Variants in ALMS1 observed in about 807,000 individuals in gnomAD.
ALMS1 encodes the protein ALMS1 centrosome and basal body associated protein.
Under a neutral mutation model 352.2 loss-of-function variants are expected in ALMS1, and 271 were observed. The ratio of observed to expected loss-of-function variants is 0.77; its 90% CI spans 0.70 to 0.85. The LOEUF is 0.85. ALMS1 is among the 40% of genes least tolerant of loss of function. The pLI is 0.00. For synonymous variants in ALMS1, 1,865 were observed against 1,761.2 expected (o/e 1.06, Z -1.48); for missense variants, 5,445 against 4,870.7 (o/e 1.12, Z -3.51).
At chr2:73,603,352 C>T in intron 21 of ALMS1, 48 bp downstream of exon 21, 1 of 1,578,952 alleles carries the variant, frequency 6.3e-7, no homozygotes, top group Non-Finnish European at 8.7e-7. Flanking sequence ...AACCAGGCCA[C>T]CAAGTGGTCG....
intron 21 of ALMS1, among the ~76,000 whole-genome samples, chr2:73,608,054 A>G (rs1412919016): frequency 6.6e-6 from 1 of 152,114 alleles, no homozygotes; most frequent in Non-Finnish European, 1.5e-5. Context: ...CTTCTCCTCT[A>G]GAACATTTTA....
intron 10 of ALMS1, among the ~76,000 whole-genome samples, chr2:73,499,851 A>G (rs1442968988): frequency 6.6e-6 from 1 of 152,108 alleles, no homozygotes; most frequent in Non-Finnish European, 1.5e-5. Context: ...GTTGTTTAAA[A>G]AAGAATGACT....
chr2:73,440,568 C>T (rs543795930), intron 7 of ALMS1, among the ~76,000 whole-genome samples: 9 of 151,642 alleles, frequency 5.9e-5, no homozygotes, highest in Admixed American at 1.3e-4. Context: ...GAATCATGGG[C>T]GTGTGCTACC....
At chr2:73,522,804 T>G (rs902732757) in intron 11 of ALMS1, among the ~76,000 whole-genome samples, 1 of 152,156 alleles carries the variant, frequency 6.6e-6, no homozygotes, top group Middle Eastern at 3.2e-3. Context: ...TGGACTTTCT[T>G]TAGAGGTCAC....
chr2:73,583,577 A>C (rs1241595865), intron 16 of ALMS1, among the ~76,000 whole-genome samples: 1 of 152,116 alleles, frequency 6.6e-6, no homozygotes, highest in East Asian at 1.9e-4. Context: ...TGCCACATTG[A>C]ATGTCATGAA....
intron 9 of ALMS1, among the ~76,000 whole-genome samples, chr2:73,460,760 G>A (rs1375153285): frequency 1.3e-5 from 2 of 152,232 alleles, no homozygotes; most frequent in Non-Finnish European, 1.5e-5. Flanking sequence ...CTTTTCCGAC[G>A]GGCTTAAAAA....
intron 9 of ALMS1, among the ~76,000 whole-genome samples, chr2:73,465,969 A>T (rs1400349601): frequency 6.6e-6 from 1 of 151,770 alleles, no homozygotes; most frequent in East Asian, 1.9e-4. Flanking sequence ...GGCGATCATT[A>T]AAAAGTCAGG....
chr2:73,453,087 GTACT>G lies in ALMS1; in HGVS notation c.6565_6568del (p.Tyr2189HisfsTer16). On this transcript the variant is annotated frameshift_variant, in exon 8 of 23. Transcript: ENST00000613296. LOFTEE classifies it high-confidence loss of function. ...ACCGGATTACAAACAGTTCCCTCTGGTACTTACTCACATGGTGAGAATCACAAGC... is the reference window on the plus strand; with the variant it reads ...ACCGGATTACAAACAGTTCCCTCTGGTACTCACATGGTGAGAATCACAAGC... The G allele has an allele frequency of 6.2e-7, 1 of 1,614,008 alleles. No homozygotes were observed. The highest frequency in any genetic ancestry group is 8.5e-7 in the Non-Finnish European group (1 of 1,179,992).
At chr2:73,404,036 A>T (rs549083884) in intron 1 of ALMS1, among the ~76,000 whole-genome samples, 5 of 152,246 alleles carry the variant, frequency 3.3e-5, no homozygotes, top group African/African-American at 1.2e-4. Flanking sequence ...AATAGCTAGG[A>T]CTACAGGCGC....
chr2:73,595,746 C>T (rs1329799275), intron 16 of ALMS1, among the ~76,000 whole-genome samples: 3 of 152,198 alleles, frequency 2.0e-5, no homozygotes, highest in East Asian at 1.9e-4. Context: ...TTTACATTCT[C>T]GCCTGCAATG....
At chr2:73,415,326 G>A (rs1020081940) in intron 2 of ALMS1, among the ~76,000 whole-genome samples, 2 of 152,140 alleles carry the variant, frequency 1.3e-5, no homozygotes, top group Non-Finnish European at 2.9e-5. Context: ...GAAATTATAA[G>A]AATATGTTTG....
rs752003229 is a variant in ALMS1, at chr2:73,599,498, T to C, written c.11645T>C (p.Met3882Thr). 1.2e-6 allele frequency: 2 copies of C among 1,613,690 alleles called. No homozygotes were observed. Among genetic ancestry groups the C allele is most frequent in the Admixed American group, 3.3e-5 (2 of 60,016 alleles). The change falls in exon 17 of 23, where the codon ATG (methionine) becomes ACG (threonine). Residue 3882 changes from methionine to threonine, a missense_variant. Coordinates refer to ENST00000613296, the MANE Select transcript of ALMS1 (RefSeq NM_001378454.1). The stretch of plus-strand genomic sequence containing the variant: ...TTTTGCAACAAGCAGAATGTACACA[T>C]GTTAAACAAGGGCATACAAGCAGGT... ...STFCNKQNVHMLNKGIQAGNL... is the reference protein window; with the variant it reads ...STFCNKQNVHTLNKGIQAGNL...
At chr2:73,439,586 G>T (rs1671675347) in intron 7 of ALMS1, among the ~76,000 whole-genome samples, 2 of 152,168 alleles carry the variant, frequency 1.3e-5, no homozygotes, top group African/African-American at 4.8e-5. Flanking sequence ...CTGTCACCAG[G>T]CTGGAGTACG....
At chr2:73,474,393 GTGTGTGTGTGTGTGTGTC>G (rs1440388140) in intron 9 of ALMS1, among the ~76,000 whole-genome samples, 700 of 57,694 alleles carry the variant, frequency 0.012, 12 homozygotes, top group African/African-American at 0.037. Flanking sequence ...GTGTGTGTGT[GTGTGTGTGTGTGTGTGTC>G]TATTGGTTTA....
At position 73,439,438 on chromosome 2, in the gene ALMS1, T is replaced by C. The variant is rs545056493; in HGVS notation, c.1432+7147T>C. Among the ~76,000 whole-genome samples the C allele has an allele frequency of 7.9e-5, 12 of 152,306 alleles. No homozygotes were observed. The South Asian group carries it at 2.5e-3, about 32-fold the overall frequency. ...CCCGGCCTTTTTATCTGTCTTTTAG[T>C]TTCAACCTTACTATGTCATTATGTT... On this transcript the variant is annotated intron_variant, in intron 7 of 22. Transcript: ENST00000613296.
chr2:73,442,946 A>G (rs975892995), intron 7 of ALMS1, among the ~76,000 whole-genome samples: 3 of 152,194 alleles, frequency 2.0e-5, no homozygotes, highest in South Asian at 4.2e-4. Context: ...TTCCTTCTCT[A>G]TTTCTTCTCA....
chr2:73,479,298 T>C (rs778488800), intron 9 of ALMS1, among the ~76,000 whole-genome samples: 95 of 152,210 alleles, frequency 6.2e-4, no homozygotes, highest in Non-Finnish European at 8.1e-4. Flanking sequence ...TTGATATTGA[T>C]ACAGCCAAGA....
In ALMS1 at chr2:73,572,257, T is replaced by C. The variant is rs1345014390; in HGVS notation, c.10385-5T>C. 2 of 1,603,412 alleles carry C rather than the reference T, an allele frequency of 1.2e-6. No individual in the cohort carries two copies. The highest frequency in any genetic ancestry group is 1.7e-5 in the Admixed American group (1 of 57,148). On this transcript the variant is annotated splice_region_variant and splice_polypyrimidine_tract_variant and intron_variant, in intron 15 of 22. Transcript: ENST00000613296. ...TCTTTCAAAATCTTTTTTTCTCCTT[T>C]TCAGAGTCCGAATGTCATTCAGAAT...
Position 73,452,173 on chromosome 2 carries a change from T to C in ALMS1, c.5646T>C (p.Ala1882=), listed in dbSNP as rs754054281. The change falls in exon 8 of 23, where the codon GCT becomes GCC. Residue 1882 remains alanine, a synonymous_variant. Transcript: ENST00000613296. ...TLKAIGVPGP[A]DQKTGIQIAS... ...AAGCAATAGGGGTTCCTGGGCCTGC[T>C]GACCAGAAGACTGGGATACAAATAG... 1 of 1,613,046 alleles carries C rather than the reference T, an allele frequency of 6.2e-7. No homozygotes were observed. Among genetic ancestry groups the C allele is most frequent in the Non-Finnish European group, 8.5e-7 (1 of 1,179,476 alleles).
Sources: allele counts gnomAD v4.1 joint callset (sites outside exome capture counted in the v4.1 genomes callset), GRCh38; gene constraint gnomAD v4.1.1; transcripts MANE v1.5; gene names NCBI Gene and HGNC (gene_info 2026-07-23, HGNC 2026-07-21).